UBR2: variants seen among roughly 807,000 people sequenced by gnomAD.
The protein encoded by UBR2 is ubiquitin protein ligase E3 component n-recognin 2.
A neutral mutation model predicts 247.9 loss-of-function variants in UBR2; 92 were observed. The observed-to-expected ratio is 0.37, with a 90% CI of 0.31 to 0.44. UBR2 has a LOEUF of 0.44. Ranked by LOEUF, UBR2 falls within the 20% of genes least tolerant of loss-of-function variation. The pLI is 1.00. For synonymous variants in UBR2, 672 were observed against 693.5 expected (o/e 0.97, Z 0.49); for missense variants, 1,613 against 2,112.6 (o/e 0.76, Z 4.64).
intron 4 of UBR2, among the ~76,000 whole-genome samples, chr6:42,599,550 T>C (rs1793220350): frequency 1.3e-5 from 2 of 152,228 alleles, no homozygotes; most frequent in South Asian, 4.1e-4. Context: ...CACAGTACCT[T>C]ATACTGGTTT....
chr6:42,657,899 G>A, intron 26 of UBR2, 125 bp from the exon 27 acceptor site: 1 of 631,352 alleles, frequency 1.6e-6, no homozygotes, highest in Non-Finnish European at 2.7e-6. Flanking sequence ...CTCTATTTTG[G>A]TAGAGCCATA....
In UBR2 at chr6:42,658,059, C is replaced by G; in HGVS notation, c.2908C>G (p.Leu970Val). 6.2e-7 allele frequency: 1 copy of G among 1,614,002 alleles called. No individual in the cohort carries two copies. Among genetic ancestry groups the G allele is most frequent in the South Asian group, 1.1e-5 (1 of 91,064 alleles). ...GEAPKNSPSI[L>V]AMLETLQNAP... is the part of the protein sequence containing the mutation. ...AGCGCCAAAAAATTCTCCTAGCATA[C>G]TAGCTATGCTGGAAACACTACAAAA... The change falls in exon 27 of 47, where the codon CTA becomes GTA. Residue 970 changes from leucine to valine, a missense_variant. Leu to Val is a conservative substitution (Grantham distance 32). Coordinates refer to ENST00000372901, the MANE Select transcript of UBR2 (RefSeq NM_001363705.2).
In UBR2 at chr6:42,662,395, G is replaced by A. The variant is rs1042291154; in HGVS notation, c.3536+118G>A. ...AGAACTAAAAATGTTGAAAAAATCC[G>A]TATCATTGCCTAATAAATAACAAAA... On this transcript the variant is annotated intron_variant, in intron 31 of 46. Coordinates refer to ENST00000372901, the MANE Select transcript of UBR2 (RefSeq NM_001363705.2). The A allele has an allele frequency of 1.4e-5, 9 of 631,860 alleles. No homozygotes were observed. In the South Asian group the frequency reaches 1.5e-4, roughly 11 times the overall value. The allele number at this position is 631,860 out of a possible 1,614,324, so 39.1% of individuals were successfully genotyped here. A position where few individuals can be genotyped will look rare whatever the true frequency, so the allele number is the denominator to read the frequency against.
At chr6:42,628,047 C>T (rs1171450547) in intron 11 of UBR2, among the ~76,000 whole-genome samples, 2 of 152,098 alleles carry the variant, frequency 1.3e-5, no homozygotes. Context: ...TACCCCACTC[C>T]CAGAATAGAC....
At chr6:42,589,654 A>G (rs532131572) in intron 2 of UBR2, among the ~76,000 whole-genome samples, 47 of 152,318 alleles carry the variant, frequency 3.1e-4, no homozygotes, top group African/African-American at 9.9e-4. Context: ...TTTGAAGGTT[A>G]TTAGTTCTTG....
intron 36 of UBR2, among the ~76,000 whole-genome samples, chr6:42,671,907 ATC>A (rs759630083): frequency 1.3e-4 from 20 of 152,182 alleles, no homozygotes; most frequent in South Asian, 4.1e-4. Flanking sequence ...GGTGTAGGTT[ATC>A]TCTGCCTATT....
chr6:42,669,201 A>G lies in UBR2; in HGVS notation c.3882-891A>G, dbSNP rs149476701. Among the ~76,000 whole-genome samples the G allele has an allele frequency of 4.1e-3, 627 of 152,308 alleles. 4 individuals are homozygous for G. Among genetic ancestry groups the G allele is most frequent in the African/African-American group, 0.015 (603 of 41,566 alleles). On this transcript the variant is annotated intron_variant, in intron 34 of 46. Coordinates refer to ENST00000372901, the MANE Select transcript of UBR2 (RefSeq NM_001363705.2). ...TGGCCTCCCAAAGTGCTAGGATTAC[A>G]TGCTGAGCCACCGCACCCAGGCTTG...
chr6:42,614,978 A>T, intron 8 of UBR2, 93 bp from the exon 9 acceptor site: 1 of 992,300 alleles, frequency 1.0e-6, no homozygotes, highest in Non-Finnish European at 1.4e-6. Flanking sequence ...GAAAACATTT[A>T]AAACTCTACA....
chr6:42,691,373 A>G lies in UBR2; in HGVS notation c.*200A>G, dbSNP rs1434975480. 2 of 668,014 alleles carry G rather than the reference A, an allele frequency of 3.0e-6. No homozygotes were observed. The allele number at this position is 668,014 out of a possible 1,614,324, so 41.4% of individuals were successfully genotyped here. On this transcript the variant is annotated 3_prime_UTR_variant, in exon 47 of 47. Transcript: ENST00000372901. ...TTGCACTGTTTGCTGTGCCCCTCAAATATAATGTCTTGGGTTTTAAGATCG... is the reference window on the plus strand; with the variant it reads ...TTGCACTGTTTGCTGTGCCCCTCAAGTATAATGTCTTGGGTTTTAAGATCG...
chr6:42,585,228 C>G, intron 2 of UBR2, among the ~76,000 whole-genome samples: 1 of 151,782 alleles, frequency 6.6e-6, no homozygotes. Flanking sequence ...TTTTTTATTC[C>G]ATTAGTTTGG....
At chr6:42,624,303 ATTT>A (rs34628959) in intron 11 of UBR2, among the ~76,000 whole-genome samples, 3 of 138,142 alleles carry the variant, frequency 2.2e-5, no homozygotes, top group African/African-American at 8.0e-5. Flanking sequence ...CACTTGGCTA[ATTT>A]TTTTTTTTTT....
intron 4 of UBR2, among the ~76,000 whole-genome samples, chr6:42,595,527 C>T (rs781118871): frequency 6.6e-6 from 1 of 152,130 alleles, no homozygotes; most frequent in Non-Finnish European, 1.5e-5. Flanking sequence ...GGGTGGATCA[C>T]TTTAACCCAG....
At chr6:42,628,551 G>A (rs572581962) in intron 11 of UBR2, among the ~76,000 whole-genome samples, 16 of 151,884 alleles carry the variant, frequency 1.1e-4, no homozygotes, top group African/African-American at 3.1e-4. Flanking sequence ...GTGAAACCCC[G>A]TCTCTTCTAA....
At position 42,655,688 on chromosome 6, in the gene UBR2, A is replaced by G. The variant is rs755128721; in HGVS notation, c.2837A>G (p.His946Arg). ...KQHLENVTEE[H>R]VVTFTFTQKI... is the part of the protein sequence containing the mutation. ...CATTTAGAGAATGTCACGGAAGAGC[A>G]TGTAGTAACATTTACCTTCACTCAG... The change falls in exon 26 of 47, where the codon CAT becomes CGT. Residue 946 changes from histidine (H) to arginine (R), a missense_variant. Physicochemically the swap from His to Arg is conservative, Grantham distance 29. Around this residue, in one of 3 missense-constraint regions of UBR2, gnomAD observed 1,524 missense variants for 1,967.3 expected, o/e 0.77. Transcript: ENST00000372901. The G allele has an allele frequency of 4.5e-6, 7 of 1,554,904 alleles. No homozygotes were observed. In the Admixed American group the frequency reaches 9.1e-5, roughly 20 times the overall value.
intron 46 of UBR2, 58 bp from the exon 47 acceptor site, chr6:42,690,974 G>T (rs890931880): frequency 1.3e-6 from 2 of 1,599,492 alleles, no homozygotes; most frequent in African/African-American, 2.7e-5. Flanking sequence ...GAAGGGTTGG[G>T]TTATAATAGA....
intron 23 of UBR2, among the ~76,000 whole-genome samples, chr6:42,650,663 G>T (rs1004481059): frequency 6.6e-6 from 1 of 151,970 alleles, no homozygotes; most frequent in East Asian, 1.9e-4. Flanking sequence ...CATTTTTATT[G>T]TAGGGGATTT....
intron 2 of UBR2, among the ~76,000 whole-genome samples, chr6:42,581,388 G>A (rs1422476701): frequency 2.0e-5 from 3 of 151,820 alleles, no homozygotes; most frequent in Admixed American, 6.6e-5. Context: ...ACCGGGTTTC[G>A]CCATGTTGGC....
chr6:42,639,712 T>G (rs1017914942), intron 15 of UBR2, among the ~76,000 whole-genome samples: 1 of 152,184 alleles, frequency 6.6e-6, no homozygotes, highest in African/African-American at 2.4e-5. Context: ...TGGGAACAAA[T>G]TCCATGGCCC....
In UBR2 at chr6:42,683,937, T is replaced by TA. The variant is rs548790456; in HGVS notation, c.4775+827dup. Among the ~76,000 whole-genome samples the TA allele has an allele frequency of 4.2e-4, 64 of 152,334 alleles. 1 individual carries two copies. Among genetic ancestry groups the TA allele is most frequent in the African/African-American group, 1.1e-3 (45 of 41,586 alleles). On this transcript the variant is annotated intron_variant, in intron 43 of 46. Coordinates refer to ENST00000372901, the MANE Select transcript of UBR2 (RefSeq NM_001363705.2). ...ACCCATATCTCTTAGTTCTGGTAAATACATCGTCCATAAAAGTCAGAAGAC... is the reference window on the plus strand; with the variant it reads ...ACCCATATCTCTTAGTTCTGGTAAATAACATCGTCCATAAAAGTCAGAAGAC...
Sources: gnomAD v4.1 joint callset for allele counts (sites outside exome capture counted in the v4.1 genomes callset) on GRCh38, gnomAD v4.1.1 for gene constraint, gnomAD v4.1.1 regional missense constraint, MANE v1.5 for transcripts, NCBI Gene and HGNC (gene_info 2026-07-23, HGNC 2026-07-21) for gene names.